Variants in MARCHF6 observed in about 807,000 individuals in gnomAD.
The protein encoded by MARCHF6 is E3 ubiquitin-protein ligase MARCHF6.
Under a neutral mutation model 133.7 loss-of-function variants are expected in MARCHF6, and 31 were observed. The observed-to-expected ratio is 0.23, with a 90% CI of 0.17 to 0.31. MARCHF6 has a LOEUF of 0.31. Ranked by LOEUF, MARCHF6 falls within the 10% of genes least tolerant of loss-of-function variation. The pLI, the probability that MARCHF6 is intolerant of heterozygous loss-of-function variation, is 1.00. For synonymous variants in MARCHF6, 395 were observed against 402.5 expected (o/e 0.98, Z 0.22); for missense variants, 723 against 1,121.6 (o/e 0.64, Z 5.08).
At chr5:10,427,634 A>AC (rs1249175225) in intron 24 of MARCHF6, among the ~76,000 whole-genome samples, 2 of 152,228 alleles carry the variant, frequency 1.3e-5, no homozygotes, top group African/African-American at 4.8e-5. Context: ...GCTTAAAAAA[A>AC]ACACACAACC....
At chr5:10,369,614 C>CCG (rs1554019316) in intron 1 of MARCHF6, among the ~76,000 whole-genome samples, 8 of 8,412 alleles carry the variant, frequency 9.5e-4, no homozygotes, top group African/African-American at 2.0e-3. Context: ...CCCCCCCCCC[C>CCG]CCTTGCAAAT....
At chr5:10,382,038 G>C in intron 4 of MARCHF6, 95 bp downstream of exon 4, 1 of 1,248,220 alleles carries the variant, frequency 8.0e-7, no homozygotes, top group Non-Finnish European at 1.1e-6. Context: ...TTTGACTGAT[G>C]TTTAGTTATT....
chr5:10,430,298 GGTGGTGGTTTTTTTT>G (rs1473605930), intron 25 of MARCHF6, among the ~76,000 whole-genome samples: 4 of 146,752 alleles, frequency 2.7e-5, no homozygotes, highest in African/African-American at 1.0e-4. Context: ...TTTTTTTTTT[GGTGGTGGTTTTTTTT>G]TTTTTTTTTT....
At chr5:10,376,425 T>A (rs1736783256) in intron 1 of MARCHF6, among the ~76,000 whole-genome samples, 1 of 151,888 alleles carries the variant, frequency 6.6e-6, no homozygotes, top group African/African-American at 2.4e-5. Flanking sequence ...AGGAACAAAC[T>A]CCAGACGCGA....
chr5:10,416,276 T>C (rs1432261875), intron 21 of MARCHF6, among the ~76,000 whole-genome samples: 1 of 152,240 alleles, frequency 6.6e-6, no homozygotes, highest in Non-Finnish European at 1.5e-5. Flanking sequence ...ATGCTTAGGT[T>C]ACTGCTTACA....
intron 9 of MARCHF6, among the ~76,000 whole-genome samples, chr5:10,396,599 G>A (rs2126746266): frequency 6.6e-6 from 1 of 152,266 alleles, no homozygotes; most frequent in South Asian, 2.1e-4. Flanking sequence ...ATGGTTGCGG[G>A]GAAGGTTGTG....
In MARCHF6 at chr5:10,403,547, T is replaced by A. The variant is rs746687988; in HGVS notation, c.1332+6T>A. 35 of 1,606,898 alleles carry A rather than the reference T, an allele frequency of 2.2e-5. No homozygotes were observed. In the East Asian group the frequency reaches 7.8e-4, roughly 36 times the overall value. ...TCATTCTACTACTGAGAGAGGTAAG[T>A]CCACAGGGAAATGCTGATGCTGTAC... On this transcript the variant is annotated splice_donor_region_variant and intron_variant, in intron 15 of 25. Coordinates refer to ENST00000274140, the MANE Select transcript of MARCHF6 (RefSeq NM_005885.4).
chr5:10,432,861 G>T (rs1740434770), intron 25 of MARCHF6, among the ~76,000 whole-genome samples: 2 of 147,536 alleles, frequency 1.4e-5, no homozygotes, highest in African/African-American at 5.0e-5. Flanking sequence ...TTTCTTCTCT[G>T]TAACTAGAAC....
chr5:10,379,467 T>A (rs1015584754), intron 3 of MARCHF6, among the ~76,000 whole-genome samples: 5 of 152,076 alleles, frequency 3.3e-5, no homozygotes, highest in African/African-American at 1.2e-4. Flanking sequence ...AAGCTTTTTT[T>A]TTTTTTGAGA....
At chr5:10,425,690 G>A (rs994127944) in intron 23 of MARCHF6, among the ~76,000 whole-genome samples, 4 of 152,166 alleles carry the variant, frequency 2.6e-5, no homozygotes, top group Non-Finnish European at 5.9e-5. Flanking sequence ...AAGTGCTGCT[G>A]GTGAGGCAAG....
At chr5:10,389,648 T>TG (rs1227332918) in intron 5 of MARCHF6, among the ~76,000 whole-genome samples, 9 of 152,210 alleles carry the variant, frequency 5.9e-5, no homozygotes, top group African/African-American at 2.2e-4. Context: ...GTGATCCACC[T>TG]GCCTTGGCCT....
At chr5:10,413,490 C>G (rs2126792668) in intron 19 of MARCHF6, 1 of 152,378 alleles carries the variant, frequency 6.6e-6, no homozygotes, top group Non-Finnish European at 1.5e-5. Context: ...CCTTTCTGCT[C>G]AGGGAAACTG....
intron 1 of MARCHF6, among the ~76,000 whole-genome samples, chr5:10,355,127 A>G: frequency 6.6e-6 from 1 of 152,242 alleles, no homozygotes; most frequent in Non-Finnish European, 1.5e-5. Flanking sequence ...AGTAAGAGGC[A>G]GATTTGAACC....
intron 1 of MARCHF6, among the ~76,000 whole-genome samples, chr5:10,369,570 G>A (rs935105476): frequency 1.3e-5 from 2 of 148,162 alleles, no homozygotes; most frequent in African/African-American, 2.5e-5. Context: ...CAGTCATATA[G>A]CCAGCACAGT....
At chr5:10,401,971 T>C in intron 11 of MARCHF6, 88 bp from the exon 12 acceptor site, 1 of 775,322 alleles carries the variant, frequency 1.3e-6, no homozygotes, top group Middle Eastern at 2.9e-4. Flanking sequence ...CAATTCTCTT[T>C]TAGTCATTTA....
At chr5:10,418,526 T>G (rs1218835334) in intron 22 of MARCHF6, among the ~76,000 whole-genome samples, 2 of 152,170 alleles carry the variant, frequency 1.3e-5, no homozygotes, top group African/African-American at 4.8e-5. Context: ...AGATCTCAAG[T>G]TCTTAGTAGG....
chr5:10,391,476 T>G lies in MARCHF6; in HGVS notation c.577-66T>G, dbSNP rs1737837384. 8 of 534,530 alleles carry G rather than the reference T, an allele frequency of 1.5e-5. 1 individual carries two copies. The South Asian group carries it at 1.7e-4, about 11-fold the overall frequency. The allele number at this position is 534,530 out of a possible 1,614,324, so 33.1% of individuals were successfully genotyped here. ...TTTTTTTTTTTTTTAGCAGGAATAA[T>G]GTGATTTGGAAACAGAGCAAAACAG... On this transcript the variant is annotated intron_variant, in intron 6 of 25. Transcript: ENST00000274140.
rs188028481 is a variant in MARCHF6 at position 10,364,962 on chromosome 5, C to T, written c.19+11045C>T. On this transcript the variant is annotated intron_variant, in intron 1 of 25. Transcript: ENST00000274140. ...GGGATTACAAGCACATGCCACCACG[C>T]CCGGCTAATTTTGTATTTTTAGTAG... 7.9e-5 allele frequency among the ~76,000 whole-genome samples: 12 copies of T among 152,124 alleles called. No individual in the cohort carries two copies. In the East Asian group the frequency reaches 1.9e-3, roughly 25 times the overall value.
In MARCHF6 at chr5:10,436,219, C is replaced by T. The variant is rs189451806; in HGVS notation, c.*2535C>T. On this transcript the variant is annotated 3_prime_UTR_variant, in exon 26 of 26. Transcript: ENST00000274140. The stretch of plus-strand genomic sequence containing the variant: ...ATCTTATCAATGTTTTGTAAACAAA[C>T]AATATGAATGGCCAAAAAATTGCCC... 6.6e-6 allele frequency: 1 copy of T among 152,168 alleles called. No homozygotes were observed. The highest frequency in any genetic ancestry group is 2.4e-5 in the African/African-American group (1 of 41,528). The allele number at this position is 152,168 out of a possible 1,614,324, so 9.4% of individuals were successfully genotyped here. A position where few individuals can be genotyped will look rare whatever the true frequency, so the allele number is the denominator to read the frequency against.
Sources: gnomAD v4.1 joint callset for allele counts (sites outside exome capture counted in the v4.1 genomes callset) on GRCh38, gnomAD v4.1.1 for gene constraint, MANE v1.5 for transcripts, NCBI Gene and HGNC (gene_info 2026-07-23, HGNC 2026-07-21) for gene names.